NRG3: variants seen among roughly 807,000 people sequenced by gnomAD.
NRG3 encodes neuregulin 3.
A neutral mutation model predicts 66.9 loss-of-function variants in NRG3; 31 were observed. That is an observed-to-expected ratio of 0.46 (90% CI 0.35 to 0.63). The LOEUF (loss-of-function observed/expected upper bound fraction) is 0.63. NRG3 is among the 20% of genes least tolerant of loss of function. The pLI, the probability that NRG3 is intolerant of heterozygous loss-of-function variation, is 0.00. For missense variants in NRG3, 910 were observed against 878.9 expected (o/e 1.04, Z -0.45); for synonymous variants, 393 against 359.4 (o/e 1.09, Z -1.06).
intron 2 of NRG3, among the ~76,000 whole-genome samples, chr10:82,615,063 C>G (rs958799849): frequency 5.3e-5 from 8 of 152,062 alleles, no homozygotes; most frequent in Admixed American, 4.6e-4. Context: ...GATTTAGACA[C>G]CTGTGAGTCC....
At chr10:82,524,223 G>A (rs371998668) in intron 2 of NRG3, among the ~76,000 whole-genome samples, 11 of 151,902 alleles carry the variant, frequency 7.2e-5, no homozygotes, top group East Asian at 5.8e-4. Context: ...AGCAATTTCA[G>A]AATGAATAAA....
chr10:82,251,368 C>T (rs994820907), intron 1 of NRG3, among the ~76,000 whole-genome samples: 4 of 152,154 alleles, frequency 2.6e-5, no homozygotes, highest in African/African-American at 7.2e-5. Context: ...CCTCTAAAGC[C>T]ATTGTCCTGC....
chr10:82,311,058 C>G (rs921808762), intron 1 of NRG3, among the ~76,000 whole-genome samples: 2 of 133,456 alleles, frequency 1.5e-5, no homozygotes, highest in African/African-American at 7.3e-5. Context: ...ATGAGAGTGA[C>G]AGTTCTTTCC....
intron 2 of NRG3, among the ~76,000 whole-genome samples, chr10:82,441,150 T>A (rs1237841087): frequency 6.6e-6 from 1 of 152,232 alleles, no homozygotes; most frequent in Non-Finnish European, 1.5e-5. Context: ...TAGTTTTATC[T>A]GGACACTGAT....
chr10:82,386,574 T>A (rs1481757281), intron 2 of NRG3, among the ~76,000 whole-genome samples: 2 of 152,154 alleles, frequency 1.3e-5, no homozygotes, highest in African/African-American at 2.4e-5. Context: ...TCTAAAGAAA[T>A]CTTATCGAAC....
intron 3 of NRG3, among the ~76,000 whole-genome samples, chr10:82,764,018 G>A (rs1199051648): frequency 6.6e-6 from 1 of 151,988 alleles, no homozygotes; most frequent in Non-Finnish European, 1.5e-5. Context: ...TACATGGCTT[G>A]CATATGACTC....
chr10:82,117,310 C>T (rs950868252), intron 1 of NRG3, among the ~76,000 whole-genome samples: 3 of 152,090 alleles, frequency 2.0e-5, no homozygotes, highest in Non-Finnish European at 2.9e-5. Flanking sequence ...AGGATTCAAT[C>T]CAACTCATCT....
intron 1 of NRG3, among the ~76,000 whole-genome samples, chr10:81,909,687 T>A (rs902381061): frequency 6.6e-6 from 1 of 152,158 alleles, no homozygotes; most frequent in Admixed American, 6.5e-5. Flanking sequence ...CAGAAAGCAG[T>A]TGTATCCTCA....
At chr10:82,622,415 C>T (rs1319755234) in intron 2 of NRG3, among the ~76,000 whole-genome samples, 1 of 152,056 alleles carries the variant, frequency 6.6e-6, no homozygotes, top group Non-Finnish European at 1.5e-5. Flanking sequence ...ATGTGTTTAT[C>T]AAAGATATAG....
chr10:82,233,006 A>T, intron 1 of NRG3: 1 of 562,912 alleles, frequency 1.8e-6, no homozygotes, highest in South Asian at 2.4e-5. Flanking sequence ...GTATGTGGGC[A>T]AGGTAGAGGA....
At chr10:82,628,326 C>T (rs533254342) in intron 2 of NRG3, among the ~76,000 whole-genome samples, 1 of 152,078 alleles carries the variant, frequency 6.6e-6, no homozygotes, top group Non-Finnish European at 1.5e-5. Flanking sequence ...TAATCATTCT[C>T]TAGCATATTT....
intron 3 of NRG3, among the ~76,000 whole-genome samples, chr10:82,755,725 A>G (rs1166328184): frequency 1.3e-5 from 2 of 152,166 alleles, no homozygotes; most frequent in South Asian, 2.1e-4. Context: ...TAATCCACAT[A>G]CAAACAACAG....
chr10:82,618,185 A>G (rs1474209801), intron 2 of NRG3, among the ~76,000 whole-genome samples: 4 of 152,154 alleles, frequency 2.6e-5, no homozygotes, highest in South Asian at 2.1e-4. Flanking sequence ...TTGGCAGGGA[A>G]CTTGCCTCTT....
intron 2 of NRG3, among the ~76,000 whole-genome samples, chr10:82,391,993 C>CA (rs775895969): frequency 0.19 from 7,162 of 37,856 alleles, 646 homozygotes; most frequent in African/African-American, 0.22. Flanking sequence ...CGAGCACATG[C>CA]AAAAAAAAAA....
In NRG3 at chr10:82,522,888, A is replaced by T. The variant is rs542672606; in HGVS notation, c.953+164020A>T. Among the ~76,000 whole-genome samples, 71 of 152,292 alleles carry T rather than the reference A, an allele frequency of 4.7e-4. 1 individual carries two copies. In the South Asian group the frequency reaches 0.014, roughly 30 times the overall value. ...ACAGTAGACATTTTTGCTACTCAGA[A>T]AGACCCCTGTAGGCCTTTGCTATTA... On this transcript the variant is annotated intron_variant, in intron 2 of 8. Coordinates refer to ENST00000372141, the MANE Select transcript of NRG3 (RefSeq NM_001010848.4).
At chr10:82,084,776 C>A (rs1564546739) in intron 1 of NRG3, among the ~76,000 whole-genome samples, 1 of 152,036 alleles carries the variant, frequency 6.6e-6, no homozygotes, top group Admixed American at 6.6e-5. Context: ...TGAGTTAGTT[C>A]CAGGATATGG....
intron 1 of NRG3, among the ~76,000 whole-genome samples, chr10:82,321,222 T>C (rs1260941268): frequency 6.8e-6 from 1 of 146,958 alleles, no homozygotes; most frequent in Non-Finnish European, 1.5e-5. Flanking sequence ...GTCTGTGTGC[T>C]CCCCCTCCAG....
At chr10:82,888,917 A>T (rs933460058) in intron 4 of NRG3, among the ~76,000 whole-genome samples, 2 of 152,128 alleles carry the variant, frequency 1.3e-5, no homozygotes, top group African/African-American at 4.8e-5. Flanking sequence ...CTTTCCAGGC[A>T]TAGGAAAGTT....
Position 82,641,642 on chromosome 10 carries a change from C to T in NRG3, c.954-96935C>T, listed in dbSNP as rs145783870. Reference sequence around the variant, plus strand: ...ACTCACAGCATCAGAAGCCAACTGGCTGAATGTTGGACAATTCAGGCAATA... The same window carrying T: ...ACTCACAGCATCAGAAGCCAACTGGTTGAATGTTGGACAATTCAGGCAATA... On this transcript the variant is annotated intron_variant, in intron 2 of 8. Coordinates refer to ENST00000372141, the MANE Select transcript of NRG3 (RefSeq NM_001010848.4). 4.0e-3 allele frequency among the ~76,000 whole-genome samples: 606 copies of T among 152,190 alleles called. 3 individuals carry two copies. The highest frequency in any genetic ancestry group is 0.013 in the African/African-American group (554 of 41,516).
Sources: allele counts gnomAD v4.1 joint callset (sites outside exome capture counted in the v4.1 genomes callset), GRCh38; gene constraint gnomAD v4.1.1; transcripts MANE v1.5; gene names NCBI Gene and HGNC (gene_info 2026-07-23, HGNC 2026-07-21).